UCHL3: variants seen among roughly 807,000 people sequenced by gnomAD.
The protein encoded by UCHL3 is ubiquitin carboxyl-terminal hydrolase isozyme L3.
A neutral mutation model predicts 35.8 loss-of-function variants in UCHL3; 22 were observed. The observed-to-expected ratio is 0.61, with a 90% CI of 0.44 to 0.88. The LOEUF (loss-of-function observed/expected upper bound fraction) is 0.88. UCHL3 is among the 40% of genes least tolerant of loss of function. The pLI is 0.00. For missense variants in UCHL3, 229 were observed against 276.9 expected (o/e 0.83, Z 1.23); for synonymous variants, 90 against 92.8 (o/e 0.97, Z 0.17).
intron 3 of UCHL3, among the ~76,000 whole-genome samples, chr13:75,562,314 T>TA (rs2031545114): frequency 6.6e-6 from 1 of 152,120 alleles, no homozygotes; most frequent in Non-Finnish European, 1.5e-5. Context: ...CTATTCATAA[T>TA]AGAGAAATTT....
intron 6 of UCHL3, among the ~76,000 whole-genome samples, chr13:75,581,664 T>A (rs1360972767): frequency 4.0e-5 from 6 of 151,334 alleles, no homozygotes; most frequent in African/African-American, 1.5e-4. Context: ...ACACTTGACT[T>A]CTTCTTAGGC....
intron 6 of UCHL3, among the ~76,000 whole-genome samples, chr13:75,585,474 A>C (rs1006743803): frequency 6.6e-6 from 1 of 152,152 alleles, no homozygotes; most frequent in Non-Finnish European, 1.5e-5. Context: ...ACAAAAACTG[A>C]GAGAGCTCAT....
chr13:75,550,795 C>T (rs1326927973), intron 2 of UCHL3, among the ~76,000 whole-genome samples: 3 of 150,664 alleles, frequency 2.0e-5, no homozygotes, highest in Non-Finnish European at 4.4e-5. Flanking sequence ...CTCCCTTTAC[C>T]TCCACTATCT....
intron 6 of UCHL3, among the ~76,000 whole-genome samples, chr13:75,581,542 A>T (rs1413678530): frequency 1.7e-4 from 21 of 124,276 alleles, no homozygotes; most frequent in Admixed American, 3.4e-4. Flanking sequence ...TTTTTTTAGT[A>T]GGGTGGGGTC....
At chr13:75,576,908 C>T (rs556655509) in intron 6 of UCHL3, among the ~76,000 whole-genome samples, 15 of 152,196 alleles carry the variant, frequency 9.9e-5, no homozygotes, top group Middle Eastern at 3.4e-3. Flanking sequence ...ACAGTTGGCC[C>T]GCTGTAATGG....
chr13:75,591,053 T>C (rs530332085), intron 6 of UCHL3, among the ~76,000 whole-genome samples: 5 of 152,258 alleles, frequency 3.3e-5, no homozygotes, highest in Middle Eastern at 6.8e-3. Flanking sequence ...TTATAAGAAA[T>C]TTGACATTTC....
chr13:75,605,778 T>A lies in UCHL3; in HGVS notation c.659T>A (p.Leu220Gln). Residue 220 changes from leucine to glutamine, a missense_variant, in exon 9 of 9, where the codon CTA becomes CAA. Coordinates refer to ENST00000377595, the MANE Select transcript of UCHL3 (RefSeq NM_006002.5). ...TTTATGGAGCGCGACCCTGATGAAC[T>A]AAGATTTAATGCGATTGCTCTTTCT... ...KKFMERDPDE[L>Q]RFNAIALSAA The A allele has an allele frequency of 1.2e-6, 2 of 1,614,060 alleles. No individual in the cohort carries two copies. Among genetic ancestry groups the A allele is most frequent in the Non-Finnish European group, 1.7e-6 (2 of 1,179,984 alleles).
At chr13:75,552,155 G>C (rs539879625) in intron 2 of UCHL3, among the ~76,000 whole-genome samples, 126 of 152,178 alleles carry the variant, frequency 8.3e-4, no homozygotes, top group Non-Finnish European at 1.6e-3. Flanking sequence ...ATTTTTTAAA[G>C]AAATAATGTG....
chr13:75,576,600 C>T (rs948414324), intron 6 of UCHL3, among the ~76,000 whole-genome samples: 3 of 152,060 alleles, frequency 2.0e-5, no homozygotes, highest in Admixed American at 6.6e-5. Flanking sequence ...GTGATCCACC[C>T]GCCTCAGCCT....
At chr13:75,597,746 G>A (rs531533025) in intron 7 of UCHL3, among the ~76,000 whole-genome samples, 47 of 152,224 alleles carry the variant, frequency 3.1e-4, no homozygotes, top group African/African-American at 1.1e-3. Context: ...AGAGATGACT[G>A]TAACTTTATT....
At chr13:75,582,640 G>T (rs553581103) in intron 6 of UCHL3, among the ~76,000 whole-genome samples, 1 of 152,328 alleles carries the variant, frequency 6.6e-6, no homozygotes, top group South Asian at 2.1e-4. Context: ...AAAATAAACT[G>T]TAGACATTTA....
intron 6 of UCHL3, among the ~76,000 whole-genome samples, chr13:75,571,422 G>T (rs995532765): frequency 6.6e-6 from 1 of 152,044 alleles, no homozygotes; most frequent in African/African-American, 2.4e-5. Context: ...CTGTATTTTA[G>T]AATGCATTTT....
intron 3 of UCHL3, among the ~76,000 whole-genome samples, chr13:75,564,460 A>T (rs1019611853): frequency 5.9e-5 from 9 of 151,886 alleles, no homozygotes; most frequent in Non-Finnish European, 2.9e-5. Context: ...TAAAGTGCAG[A>T]TATCTTTACA....
Position 75,592,174 on chromosome 13 carries a change from G to C in UCHL3, c.475-2741G>C, listed in dbSNP as rs2032493800. Among the ~76,000 whole-genome samples, 3 of 150,928 alleles carry C rather than the reference G, an allele frequency of 2.0e-5. 1 individual carries two copies. The highest frequency in any genetic ancestry group is 7.3e-5 in the African/African-American group (3 of 41,110). ...TATTTAATTTATATCTAATTGATTTGTTATCACTTTTTAATTCTTTGAGTT... is the reference window on the plus strand; with the variant it reads ...TATTTAATTTATATCTAATTGATTTCTTATCACTTTTTAATTCTTTGAGTT... On this transcript the variant is annotated intron_variant, in intron 6 of 8. Coordinates refer to ENST00000377595, the MANE Select transcript of UCHL3 (RefSeq NM_006002.5).
intron 7 of UCHL3, among the ~76,000 whole-genome samples, chr13:75,600,606 T>C (rs1445715665): frequency 2.0e-5 from 3 of 152,256 alleles, no homozygotes; most frequent in East Asian, 3.8e-4. Context: ...TTAAGCCCTC[T>C]GTTGAGACGT....
chr13:75,594,783 C>T, intron 6 of UCHL3, 132 bp from the exon 7 acceptor site: 1 of 717,280 alleles, frequency 1.4e-6, no homozygotes, highest in Non-Finnish European at 2.3e-6. Flanking sequence ...TTATACCAAA[C>T]ATTAAGCCTT....
At chr13:75,550,254 C>T (rs550840076) in intron 2 of UCHL3, among the ~76,000 whole-genome samples, 1 of 152,336 alleles carries the variant, frequency 6.6e-6, no homozygotes, top group Non-Finnish European at 1.5e-5. Flanking sequence ...TTTGGAGGGA[C>T]TTTTACCCTG....
intron 2 of UCHL3, among the ~76,000 whole-genome samples, chr13:75,558,266 T>C (rs978313827): frequency 3.9e-5 from 6 of 152,226 alleles, no homozygotes; most frequent in African/African-American, 1.2e-4. Flanking sequence ...CATTATGTCC[T>C]CAGTTTGATA....
intron 2 of UCHL3, among the ~76,000 whole-genome samples, chr13:75,559,970 G>T (rs1049278136): frequency 6.6e-6 from 1 of 152,016 alleles, no homozygotes; most frequent in Non-Finnish European, 1.5e-5. Flanking sequence ...GACATCTTAA[G>T]AATTGTAAAA....
Sources: gnomAD v4.1 joint callset for allele counts (sites outside exome capture counted in the v4.1 genomes callset) on GRCh38, gnomAD v4.1.1 for gene constraint, MANE v1.5 for transcripts, NCBI Gene and HGNC (gene_info 2026-07-23, HGNC 2026-07-21) for gene names.